The following MITF variants were observed in gnomAD, a reference collection of about 807,000 sequenced individuals.
The protein encoded by MITF is microphthalmia-associated transcription factor.
MITF carries 17 observed loss-of-function variants against 60.5 expected under a neutral mutation model. That is an observed-to-expected ratio of 0.28 (90% CI 0.19 to 0.42). MITF has a LOEUF of 0.42. Ranked by LOEUF, MITF falls within the 10% of genes least tolerant of loss-of-function variation. The probability of loss-of-function intolerance (pLI) is 1.00; values close to 1 mark genes in which losing one functional copy is unlikely to be tolerated. For synonymous variants in MITF, 260 were observed against 248.5 expected (o/e 1.05, Z -0.43); for missense variants, 622 against 683.5 (o/e 0.91, Z 1.00).
intron 2 of MITF, among the ~76,000 whole-genome samples, chr3:69,919,833 G>T (rs1168765585): frequency 4.0e-5 from 6 of 151,762 alleles, no homozygotes; most frequent in African/African-American, 1.2e-4. Context: ...TTTTGTTGCT[G>T]TTTTTTGTTG....
Position 69,944,196 on chromosome 3 carries a change from C to A in MITF, c.762+2865C>A, listed in dbSNP as rs994223426. 3.3e-5 allele frequency among the ~76,000 whole-genome samples: 5 copies of A among 152,094 alleles called. No individual in the cohort carries two copies. The South Asian group carries it at 6.2e-4, about 19-fold the overall frequency. On this transcript the variant is annotated intron_variant, in intron 5 of 9. Coordinates refer to ENST00000352241, the MANE Select transcript of MITF (RefSeq NM_001354604.2). ...TTGTTCCTTCATTATCTCGTTGTTCCGAAAGTATATTAAAGATTAATTTAG... is the reference window on the plus strand; with the variant it reads ...TTGTTCCTTCATTATCTCGTTGTTCAGAAAGTATATTAAAGATTAATTTAG...
At chr3:69,866,301 T>G (rs2107228215) in intron 1 of MITF, 1 of 1,613,754 alleles carries the variant, frequency 6.2e-7, no homozygotes, top group Non-Finnish European at 8.5e-7. Context: ...ATGGAGGCGC[T>G]TAGAGTTCAG....
At chr3:69,937,699 C>T in intron 2 of MITF, 123 bp from the exon 3 acceptor site, 2 of 831,914 alleles carry the variant, frequency 2.4e-6, no homozygotes, top group Non-Finnish European at 4.1e-6. Flanking sequence ...TGGTACATAA[C>T]AAAGGCTTAA....
chr3:69,931,148 T>C (rs1161436127), intron 2 of MITF, among the ~76,000 whole-genome samples: 1 of 152,236 alleles, frequency 6.6e-6, no homozygotes, highest in East Asian at 1.9e-4. Context: ...GCATGTAAAA[T>C]GCATGGCATC....
At chr3:69,945,805 A>T (rs1454210221) in intron 5 of MITF, among the ~76,000 whole-genome samples, 1 of 152,188 alleles carries the variant, frequency 6.6e-6, no homozygotes, top group Non-Finnish European at 1.5e-5. Context: ...AGGTGCATCA[A>T]CTGAAAATAC....
intron 9 of MITF, among the ~76,000 whole-genome samples, chr3:69,960,875 G>A (rs912653083): frequency 3.9e-5 from 6 of 152,130 alleles, no homozygotes; most frequent in African/African-American, 1.2e-4. Flanking sequence ...ATTCACTGCA[G>A]TGATTCCTCA....
chr3:69,793,093 A>C (rs967039914), intron 1 of MITF, among the ~76,000 whole-genome samples: 4 of 135,024 alleles, frequency 3.0e-5, no homozygotes, highest in Admixed American at 8.8e-5. Flanking sequence ...GTTCCTGGGC[A>C]ACCTCGATTT....
intron 1 of MITF, among the ~76,000 whole-genome samples, chr3:69,753,338 T>C (rs759449263): frequency 6.6e-6 from 1 of 152,136 alleles, no homozygotes; most frequent in Non-Finnish European, 1.5e-5. Context: ...TGGAAAAACT[T>C]GGATGTCCAG....
At chr3:69,907,262 A>G (rs1575932929) in intron 2 of MITF, among the ~76,000 whole-genome samples, 1 of 152,298 alleles carries the variant, frequency 6.6e-6, no homozygotes, top group South Asian at 2.1e-4. Flanking sequence ...TTTCCTGTCT[A>G]TGATTTCTTC....
At chr3:69,807,914 T>G (rs7647683) in intron 1 of MITF, among the ~76,000 whole-genome samples, 76,357 of 151,472 alleles carry the variant, frequency 0.5, 20,891 homozygotes, top group Non-Finnish European at 0.63. Context: ...TAGCAGTTTG[T>G]TAGAAGCTAC....
intron 2 of MITF, among the ~76,000 whole-genome samples, chr3:69,899,074 G>A (rs2064940373): frequency 6.6e-6 from 1 of 152,202 alleles, no homozygotes; most frequent in African/African-American, 2.4e-5. Context: ...AAGTTTTGTA[G>A]GAATATGTAG....
intron 1 of MITF, among the ~76,000 whole-genome samples, chr3:69,824,866 C>T (rs927863971): frequency 1.3e-5 from 2 of 152,310 alleles, no homozygotes; most frequent in South Asian, 2.1e-4. Context: ...GGATGGATTC[C>T]AGTAAGCTCC....
At chr3:69,880,224 T>C (rs752938357) in intron 2 of MITF, among the ~76,000 whole-genome samples, 3 of 152,182 alleles carry the variant, frequency 2.0e-5, no homozygotes, top group Admixed American at 6.5e-5. Flanking sequence ...ATGTGAACTT[T>C]ACAGACCGGT....
At chr3:69,798,353 A>G (rs999894183) in intron 1 of MITF, among the ~76,000 whole-genome samples, 34 of 152,210 alleles carry the variant, frequency 2.2e-4, no homozygotes, top group Admixed American at 6.5e-4. Flanking sequence ...AAGTAATTTA[A>G]GTCACTTAGT....
chr3:69,847,287 C>A (rs113401135), intron 1 of MITF, among the ~76,000 whole-genome samples: 5,233 of 152,244 alleles, frequency 0.034, 109 homozygotes, highest in Non-Finnish European at 0.049. Context: ...TCAAGGGATG[C>A]ATTTTCAAGC....
chr3:69,847,164 T>C (rs1318722156), intron 1 of MITF, among the ~76,000 whole-genome samples: 1 of 152,186 alleles, frequency 6.6e-6, no homozygotes, highest in Non-Finnish European at 1.5e-5. Flanking sequence ...GTGCAAGGAT[T>C]GTGTCTTAGT....
chr3:69,897,531 C>T (rs916011144), intron 2 of MITF, among the ~76,000 whole-genome samples: 1 of 152,156 alleles, frequency 6.6e-6, no homozygotes, highest in Non-Finnish European at 1.5e-5. Context: ...TATTAGAATA[C>T]AGTCATGCTG....
At chr3:69,843,507 C>T (rs1018982837) in intron 1 of MITF, among the ~76,000 whole-genome samples, 3 of 152,128 alleles carry the variant, frequency 2.0e-5, no homozygotes, top group Admixed American at 1.3e-4. Flanking sequence ...AATCTCGTTA[C>T]AAGATAGAGC....
intron 2 of MITF, among the ~76,000 whole-genome samples, chr3:69,913,375 A>T (rs1265438460): frequency 6.6e-6 from 1 of 152,166 alleles, no homozygotes; most frequent in African/African-American, 2.4e-5. Context: ...TTCCACCTAA[A>T]GATATGAAGG....
Sources: gnomAD v4.1 joint callset for allele counts (sites outside exome capture counted in the v4.1 genomes callset) on GRCh38, gnomAD v4.1.1 for gene constraint, MANE v1.5 for transcripts, NCBI Gene and HGNC (gene_info 2026-07-23, HGNC 2026-07-21) for gene names.